The following POM121C variants were observed in gnomAD, a reference collection of about 807,000 sequenced individuals.
The protein encoded by POM121C is POM121 transmembrane nucleoporin C.
In POM121C, 20 loss-of-function variants were observed where a neutral mutation model predicts 66.4. The observed-to-expected ratio is 0.30, with a 90% CI of 0.21 to 0.44. POM121C has a LOEUF of 0.44. Ranked by LOEUF, POM121C falls within the 20% of genes least tolerant of loss-of-function variation. The pLI, the probability that POM121C is intolerant of heterozygous loss-of-function variation, is 1.00. For missense variants in POM121C, 580 were observed against 1,225.7 expected, an observed-to-expected ratio of 0.47 and a Z score of 7.87; for synonymous variants, 286 against 528.0, an observed-to-expected ratio of 0.54 and a Z score of 6.28.
intron 3 of POM121C, chr7:75,442,531 G>A (rs1790693407): frequency 6.9e-7 from 1 of 1,446,382 alleles, no homozygotes; most frequent in Non-Finnish European, 9.0e-7. Context: ...ACCAGGCCGC[G>A]GTAGTCCCCA....
intron 1 of POM121C, among the ~76,000 whole-genome samples, chr7:75,481,838 T>G (rs587666064): frequency 6.6e-5 from 10 of 152,096 alleles, no homozygotes; most frequent in Non-Finnish European, 1.3e-4. Context: ...AGAAAAGTAT[T>G]TTGGCTAGTA....
In POM121C at chr7:75,417,936, C is replaced by G; in HGVS notation, c.*860G>C. 1 of 985,444 alleles carries G rather than the reference C, an allele frequency of 1.0e-6. No individual in the cohort carries two copies. The highest frequency in any genetic ancestry group is 1.7e-5 in the African/African-American group (1 of 57,218). 61.0% of individuals were successfully genotyped at this position (985,444 alleles called of 1,614,324 possible). On this transcript the variant is annotated 3_prime_UTR_variant, in exon 15 of 15. Transcript: ENST00000615331. ...ATTCAAAGAGCAATACACAGAGCGTCAGACAAAGGAACACAGGACAAGGCT... is the reference window on the plus strand; with the variant it reads ...ATTCAAAGAGCAATACACAGAGCGTGAGACAAAGGAACACAGGACAAGGCT...
intron 1 of POM121C, chr7:75,484,437 G>C (rs1370101930): frequency 2.6e-6 from 1 of 387,318 alleles, no homozygotes; most frequent in Non-Finnish European, 4.7e-6. Flanking sequence ...GGCCAGGCTG[G>C]TCTCAAATTC....
At position 75,437,529 on chromosome 7, in the gene POM121C, G is replaced by C. The variant is rs782343361; in HGVS notation, c.466C>G (p.Arg156Gly). 1.9e-6 allele frequency: 3 copies of C among 1,612,536 alleles called. No individual in the cohort carries two copies. The highest frequency in any genetic ancestry group is 2.2e-5 in the South Asian group (2 of 90,986). The change falls in exon 7 of 15, where the codon CGA (arginine) becomes GGA (glycine). Residue 156 changes from arginine to glycine, a missense_variant. Transcript: ENST00000615331. ...NAITSSYSST[R>G]GISQLWKRNG... ...TGTACTTGTACCTGTGAGATGCCTC[G>C]AGTGGAGCTGTAGGAACTGGTAATG...
chr7:75,419,492 G>A (rs2533488), intron 13 of POM121C, 50 bp from the exon 14 acceptor site: 249 of 1,600,406 alleles, frequency 1.6e-4, no homozygotes, highest in Middle Eastern at 1.3e-3. Flanking sequence ...GGCGGAGGCA[G>A]GCGAGGAGCC....
At position 75,421,508 on chromosome 7, in the gene POM121C, C is replaced by A; in HGVS notation, c.2743+1G>T. On this transcript the variant is annotated splice_donor_variant, in intron 13 of 14. Transcript: ENST00000615331. LOFTEE classifies it high-confidence loss of function. ...TAGCCCAAGTCCACGCCCCTCCTTA[C>A]CTCCAAACACAGGTTTGCTCTCAGT... 1 of 1,611,142 alleles carries A rather than the reference C, an allele frequency of 6.2e-7. No individual in the cohort carries two copies. The highest frequency in any genetic ancestry group is 1.1e-5 in the South Asian group (1 of 90,832).
intron 1 of POM121C, among the ~76,000 whole-genome samples, chr7:75,478,364 C>T (rs1171367364): frequency 1.3e-5 from 2 of 151,952 alleles, no homozygotes; most frequent in African/African-American, 2.4e-5. Flanking sequence ...CTGCCTTGAG[C>T]GTTTCCAGGC....
At chr7:75,432,389 A>G (rs1403790677) in intron 7 of POM121C, among the ~76,000 whole-genome samples, 3 of 152,200 alleles carry the variant, frequency 2.0e-5, no homozygotes, top group Non-Finnish European at 4.4e-5. Flanking sequence ...ATCAATGACA[A>G]TGAATTACCT....
intron 7 of POM121C, among the ~76,000 whole-genome samples, chr7:75,429,141 G>A (rs1366713281): frequency 6.6e-6 from 1 of 152,120 alleles, no homozygotes; most frequent in African/African-American, 2.4e-5. Context: ...CAAAGTCCTA[G>A]CCAAGTGCAG....
chr7:75,439,222 C>T lies in POM121C; in HGVS notation c.230G>A (p.Arg77His), dbSNP rs782628966. The change falls in exon 6 of 15, where the codon CGC (arginine) becomes CAC (histidine). Residue 77 changes from arginine (R) to histidine (H), a missense_variant and splice_region_variant. Physicochemically the swap from Arg to His is conservative, Grantham distance 29 (BLOSUM62 0). Coordinates refer to ENST00000615331, the MANE Select transcript of POM121C (RefSeq NM_001099415.3). ...FLDGQENKRR[R>H]HDSSGSGHSA... is the part of the protein sequence containing the mutation. ...ATGTCCACTGCCACTGCTATCATGG[C>T]GCCTGCGACAAATCAAAAAAGTCTC... is the stretch of plus-strand genomic sequence containing the variant. 1.1e-5 allele frequency: 17 copies of T among 1,614,108 alleles called. No homozygotes were observed. Among genetic ancestry groups the T allele is most frequent in the Admixed American group, 5.0e-5 (3 of 60,004 alleles).
rs113468214 is a variant in POM121C at position 75,436,967 on chromosome 7, T to C, written c.480+548A>G. Among the ~76,000 whole-genome samples, 1,126 of 152,284 alleles carry C rather than the reference T, an allele frequency of 7.4e-3. 22 individuals carry two copies. The highest frequency in any genetic ancestry group is 0.026 in the African/African-American group (1,067 of 41,546). The stretch of plus-strand genomic sequence containing the variant: ...AAGTCTGTCCAGCAGCAAAGCCTGC[T>C]CTGTTCCTTATACTATGCAATAATC... On this transcript the variant is annotated intron_variant, in intron 7 of 14. Transcript: ENST00000615331.
chr7:75,442,645 GC>G (rs2116417775), intron 3 of POM121C: 1 of 1,479,872 alleles, frequency 6.8e-7, no homozygotes, highest in Non-Finnish European at 8.9e-7. Context: ...CGCAGCCCCG[GC>G]CCCGGCCGTC....
At chr7:75,479,614 T>A (rs1792232642) in intron 1 of POM121C, among the ~76,000 whole-genome samples, 1 of 91,306 alleles carries the variant, frequency 1.1e-5, no homozygotes, top group African/African-American at 5.9e-5. Context: ...AGACTCTGTC[T>A]CTAAATAAAT....
At position 75,441,127 on chromosome 7, in the gene POM121C, G is replaced by T. The variant is rs186561006; in HGVS notation, c.66-12C>A. 1 of 1,611,496 alleles carries T rather than the reference G, an allele frequency of 6.2e-7. No homozygotes were observed. Among genetic ancestry groups the T allele is most frequent in the African/African-American group, 1.3e-5 (1 of 74,804 alleles). ...TTATCTGCTCTGGTCTATAATGAAA[G>T]ACAAGATTCTAGCCGTAAGATATTT... On this transcript the variant is annotated splice_polypyrimidine_tract_variant and intron_variant, in intron 4 of 14. Coordinates refer to ENST00000615331, the MANE Select transcript of POM121C (RefSeq NM_001099415.3).
chr7:75,471,301 T>C (rs1451466876), intron 3 of POM121C, among the ~76,000 whole-genome samples: 1 of 151,946 alleles, frequency 6.6e-6, no homozygotes, highest in Non-Finnish European at 1.5e-5. Flanking sequence ...CTCTGCCTCC[T>C]GGGTTCAAGT....
At chr7:75,454,840 A>G (rs2690640) in intron 3 of POM121C, among the ~76,000 whole-genome samples, 562 of 141,216 alleles carry the variant, frequency 4.0e-3, no homozygotes, top group African/African-American at 0.014. Flanking sequence ...CCACAGGGAA[A>G]GAGTGAAGTT....
intron 3 of POM121C, among the ~76,000 whole-genome samples, chr7:75,463,159 CT>C (rs1272530725): frequency 1.3e-5 from 2 of 152,166 alleles, no homozygotes; most frequent in East Asian, 3.9e-4. Context: ...CCCGTCTCTA[CT>C]AAAAAATACA....
At chr7:75,423,604 T>G (rs1789812227) in intron 12 of POM121C, among the ~76,000 whole-genome samples, 1 of 151,586 alleles carries the variant, frequency 6.6e-6, no homozygotes, top group Non-Finnish European at 1.5e-5. Context: ...AACCCCAGGT[T>G]ACCGTCTGAT....
intron 1 of POM121C, among the ~76,000 whole-genome samples, chr7:75,485,142 GC>G (rs1365573646): frequency 2.6e-5 from 4 of 152,050 alleles, no homozygotes; most frequent in African/African-American, 9.7e-5. Flanking sequence ...ACTGCATCCC[GC>G]CCGCATTTTC....
Sources: allele counts gnomAD v4.1 joint callset (sites outside exome capture counted in the v4.1 genomes callset), GRCh38; gene constraint gnomAD v4.1.1; transcripts MANE v1.5; gene names NCBI Gene and HGNC (gene_info 2026-07-23, HGNC 2026-07-21).